PAGE2B: variants seen among roughly 807,000 people sequenced by gnomAD.
The protein encoded by PAGE2B is PAGE family member 2B.
A neutral mutation model predicts 7.6 loss-of-function variants in PAGE2B; 5 were observed. The observed-to-expected ratio is 0.66, with a 90% CI of 0.34 to 1.38. PAGE2B has a LOEUF of 1.38. Ranked by LOEUF, PAGE2B falls within the 40% of genes most tolerant of loss-of-function variation. PAGE2B has a pLI of 0.04. For synonymous variants in PAGE2B, 29 were observed against 26.7 expected (o/e 1.09, Z -0.27); for missense variants, 70 against 78.4 (o/e 0.89, Z 0.41).
the PAGE2B span, among the ~76,000 whole-genome samples, chrX:55,060,922 C>A: frequency 9.0e-6 from 1 of 110,608 alleles, no homozygotes; most frequent in Non-Finnish European, 1.9e-5. Flanking sequence ...CACTACTGTT[C>A]AACTGTTGGG....
At chrX:55,039,899 T>C in the PAGE2B span, among the ~76,000 whole-genome samples, 1 of 112,026 alleles carries the variant, frequency 8.9e-6, no homozygotes, top group East Asian at 2.8e-4. Context: ...CATTTGCCAA[T>C]GGACCATGCT....
At chrX:55,074,952 C>T (rs991785126), upstream of PAGE2B, 1 of 113,421 alleles carries the variant, frequency 8.8e-6, no homozygotes, top group African/African-American at 3.2e-5. Context: ...CTGCACAGAC[C>T]TGTTGCTGCA....
the PAGE2B span, among the ~76,000 whole-genome samples, chrX:55,057,495 C>T: frequency 1.8e-5 from 2 of 111,484 alleles, no homozygotes; most frequent in East Asian, 2.8e-4. Flanking sequence ...CTGCCCCTGC[C>T]GCCTTCCATT....
At chrX:55,052,766 C>T in the PAGE2B span, among the ~76,000 whole-genome samples, 159 of 112,929 alleles carry the variant, frequency 1.4e-3, no homozygotes, top group African/African-American at 4.7e-3. Flanking sequence ...CCGGGTGAGG[C>T]GATGCCTCGC....
intron 4 of PAGE2B, 102 bp downstream of exon 4, chrX:55,077,626 G>T (rs1332674629): frequency 8.6e-7 from 1 of 1,167,096 alleles, no homozygotes; most frequent in East Asian, 3.0e-5. Flanking sequence ...CATACTTCAC[G>T]TCTGAAGGTT....
At chrX:55,043,968 AAATAATAAT>A in the PAGE2B span, among the ~76,000 whole-genome samples, 245 of 102,691 alleles carry the variant, frequency 2.4e-3, no homozygotes, top group African/African-American at 6.9e-3. Flanking sequence ...CTCTGTCTCT[AAATAATAAT>A]AATAATAATA....
At chrX:55,043,187 A>G in the PAGE2B span, among the ~76,000 whole-genome samples, 19 of 111,976 alleles carry the variant, frequency 1.7e-4, no homozygotes, top group African/African-American at 6.2e-4. Context: ...TTATACAAAA[A>G]TCAACTCAAG....
At chrX:55,034,873 T>C in the PAGE2B span, among the ~76,000 whole-genome samples, 1 of 109,530 alleles carries the variant, frequency 9.1e-6, no homozygotes, top group Non-Finnish European at 1.9e-5. Context: ...GGTCCCACAA[T>C]AGGCCAGCTG....
At chrX:55,071,211 G>C (rs766501710), upstream of PAGE2B, among the ~76,000 whole-genome samples, 5 of 110,779 alleles carry the variant, frequency 4.5e-5, no homozygotes, top group South Asian at 1.9e-3. Flanking sequence ...CATGTTTAGT[G>C]CTTCCTTCAG....
At chrX:55,066,411 G>A in the PAGE2B span, among the ~76,000 whole-genome samples, 1 of 112,174 alleles carries the variant, frequency 8.9e-6, no homozygotes, top group Admixed American at 9.5e-5. Flanking sequence ...TCTTATTGCT[G>A]ATTAACATCC....
the PAGE2B span, among the ~76,000 whole-genome samples, chrX:55,043,130 T>C: frequency 1.8e-5 from 2 of 111,367 alleles, no homozygotes; most frequent in Non-Finnish European, 3.8e-5. Flanking sequence ...CTGGAATAAT[T>C]GGCGAGCCAC....
Position 55,075,855 on chromosome X carries a change from T to C in PAGE2B, c.-8-179T>C, listed in dbSNP as rs140195113. Among the ~76,000 whole-genome samples, 277 of 111,834 alleles carry C rather than the reference T, an allele frequency of 2.5e-3. 3 individuals are homozygous for C. Among genetic ancestry groups the C allele is most frequent in the African/African-American group, 8.7e-3 (269 of 30,775 alleles). ...GATTTCTATGCCTCTTCGACTATGATACAAACAAATCTGTCCTTAGTTTGA... is the reference window on the plus strand; with the variant it reads ...GATTTCTATGCCTCTTCGACTATGACACAAACAAATCTGTCCTTAGTTTGA... On this transcript the variant is annotated intron_variant, in intron 1 of 4. Coordinates refer to ENST00000374971, the MANE Select transcript of PAGE2B (RefSeq NM_001015038.3).
At chrX:55,071,242 T>C (rs1936446125), upstream of PAGE2B, among the ~76,000 whole-genome samples, 1 of 111,335 alleles carries the variant, frequency 9.0e-6, no homozygotes, top group East Asian at 2.8e-4. Flanking sequence ...AGGGAAGGCC[T>C]GGTGGTGACA....
the PAGE2B span, among the ~76,000 whole-genome samples, chrX:55,048,026 C>T: frequency 8.9e-6 from 1 of 111,993 alleles, no homozygotes. Context: ...TTTCAGCTTT[C>T]TACATATGGC....
At chrX:55,038,878 A>G in the PAGE2B span, among the ~76,000 whole-genome samples, 1 of 111,936 alleles carries the variant, frequency 8.9e-6, no homozygotes, top group Non-Finnish European at 1.9e-5. Flanking sequence ...ATAGAGACAA[A>G]TCTCTGAGAT....
upstream of PAGE2B, among the ~76,000 whole-genome samples, chrX:55,072,520 A>C (rs1312266229): frequency 3.6e-5 from 4 of 112,494 alleles, no homozygotes; most frequent in Admixed American, 9.4e-5. Context: ...CCAAGTCAGG[A>C]GGCACAGGGG....
upstream of PAGE2B, among the ~76,000 whole-genome samples, chrX:55,074,818 G>A (rs751817863): frequency 8.9e-6 from 1 of 112,421 alleles, no homozygotes; most frequent in Admixed American, 9.4e-5. Flanking sequence ...AGAAAGGGTG[G>A]GCGGGGGAAA....
the PAGE2B span, among the ~76,000 whole-genome samples, chrX:55,046,894 C>T: frequency 8.9e-6 from 1 of 111,892 alleles, no homozygotes; most frequent in Non-Finnish European, 1.9e-5. Context: ...TTGCTAGTTG[C>T]TTCCTATGTG....
chrX:55,058,376 A>AT, the PAGE2B span, among the ~76,000 whole-genome samples: 18 of 111,092 alleles, frequency 1.6e-4, no homozygotes, highest in African/African-American at 5.9e-4. Flanking sequence ...AGTGATAAGA[A>AT]TTGACAAGCA....
Sources: allele counts gnomAD v4.1 joint callset (sites outside exome capture counted in the v4.1 genomes callset), GRCh38; gene constraint gnomAD v4.1.1; transcripts MANE v1.5; gene names NCBI Gene and HGNC (gene_info 2026-07-23, HGNC 2026-07-21).